CNTN5: variants seen among roughly 807,000 people sequenced by gnomAD.
CNTN5 encodes contactin-5.
A neutral mutation model predicts 129.1 loss-of-function variants in CNTN5; 77 were observed. The ratio of observed to expected loss-of-function variants is 0.60; its 90% CI spans 0.50 to 0.72. CNTN5 has a LOEUF of 0.72. CNTN5 is among the 30% of genes least tolerant of loss of function. The pLI is 0.00. For synonymous variants in CNTN5, 509 were observed against 465.6 expected, an observed-to-expected ratio of 1.09 and a Z score of -1.20; for missense variants, 1,478 against 1,328.8, an observed-to-expected ratio of 1.11 and a Z score of -1.75.
At chr11:99,171,922 A>G (rs956528369) in intron 1 of CNTN5, among the ~76,000 whole-genome samples, 5 of 152,272 alleles carry the variant, frequency 3.3e-5, no homozygotes, top group East Asian at 1.9e-4. Context: ...AGCAACGGAA[A>G]GTTACTTCCG....
intron 1 of CNTN5, among the ~76,000 whole-genome samples, chr11:99,260,040 A>T (rs1338072101): frequency 1.3e-5 from 2 of 151,684 alleles, no homozygotes; most frequent in Admixed American, 1.3e-4. Flanking sequence ...TGAAGCGAAA[A>T]TATTGTCCCT....
chr11:99,219,476 AG>A (rs1296192841), intron 1 of CNTN5, among the ~76,000 whole-genome samples: 1 of 151,858 alleles, frequency 6.6e-6, no homozygotes, highest in African/African-American at 2.4e-5. Flanking sequence ...GGCAGAGCTG[AG>A]AACCATACAG....
intron 7 of CNTN5, among the ~76,000 whole-genome samples, chr11:99,916,581 T>G (rs1036721888): frequency 6.6e-6 from 1 of 152,164 alleles, no homozygotes; most frequent in African/African-American, 2.4e-5. Flanking sequence ...GAATTAGAAC[T>G]TCTAAGAAAT....
chr11:99,494,976 A>G (rs1337913850), intron 2 of CNTN5, among the ~76,000 whole-genome samples: 2 of 152,212 alleles, frequency 1.3e-5, no homozygotes, highest in Non-Finnish European at 2.9e-5. Context: ...TCATTTTCCA[A>G]TATAAACTTT....
chr11:100,008,108 A>G (rs1362444223), intron 9 of CNTN5, among the ~76,000 whole-genome samples: 1 of 152,058 alleles, frequency 6.6e-6, no homozygotes, highest in Admixed American at 6.6e-5. Context: ...TAGTTCATGG[A>G]GCTTCAAAAC....
chr11:99,858,195 C>A (rs1013678185), intron 6 of CNTN5, among the ~76,000 whole-genome samples: 2 of 152,042 alleles, frequency 1.3e-5, no homozygotes, highest in Non-Finnish European at 2.9e-5. Flanking sequence ...AATTAAATAG[C>A]ATTTTCAAAG....
intron 2 of CNTN5, among the ~76,000 whole-genome samples, chr11:99,461,231 A>T (rs1352748010): frequency 2.0e-5 from 3 of 152,094 alleles, no homozygotes; most frequent in Non-Finnish European, 4.4e-5. Context: ...AGTAGGTAGA[A>T]ACAGAAGGGC....
At chr11:99,319,454 G>A (rs528650665) in intron 1 of CNTN5, among the ~76,000 whole-genome samples, 3 of 152,214 alleles carry the variant, frequency 2.0e-5, no homozygotes, top group Non-Finnish European at 2.9e-5. Context: ...TGATTCTATA[G>A]CACCCGAGCT....
At chr11:100,315,419 G>T (rs1319611784) in intron 21 of CNTN5, among the ~76,000 whole-genome samples, 1 of 152,114 alleles carries the variant, frequency 6.6e-6, no homozygotes, top group Non-Finnish European at 1.5e-5. Context: ...AATGGTCATG[G>T]CAATTAAGAT....
intron 1 of CNTN5, among the ~76,000 whole-genome samples, chr11:99,131,154 A>G (rs1858913242): frequency 7.4e-6 from 1 of 134,440 alleles, no homozygotes; most frequent in East Asian, 2.5e-4. Context: ...AGGCTGAGGC[A>G]GGAGAATGGT....
At chr11:99,062,200 A>G (rs1864911942) in intron 1 of CNTN5, among the ~76,000 whole-genome samples, 1 of 152,160 alleles carries the variant, frequency 6.6e-6, no homozygotes, top group South Asian at 2.1e-4. Context: ...TGATGGCTTC[A>G]GCAGACCTAA....
chr11:99,551,159 T>C (rs1181080296), intron 2 of CNTN5, among the ~76,000 whole-genome samples: 3 of 152,300 alleles, frequency 2.0e-5, no homozygotes, highest in East Asian at 1.9e-4. Flanking sequence ...TTTCCTGTGA[T>C]GCTGAGTTAA....
chr11:99,972,122 G>A (rs1375656474), intron 8 of CNTN5, among the ~76,000 whole-genome samples: 2 of 149,554 alleles, frequency 1.3e-5, no homozygotes, highest in South Asian at 2.1e-4. Context: ...TTAGCCGGGC[G>A]TGGTGGCGGG....
At chr11:99,030,424 A>C (rs1863313556) in intron 1 of CNTN5, among the ~76,000 whole-genome samples, 1 of 152,170 alleles carries the variant, frequency 6.6e-6, no homozygotes, top group Admixed American at 6.5e-5. Context: ...ATGTTTGCTG[A>C]TGGTGACATG....
chr11:99,245,619 C>A (rs1329927579), intron 1 of CNTN5, among the ~76,000 whole-genome samples: 1 of 152,186 alleles, frequency 6.6e-6, no homozygotes, highest in Non-Finnish European at 1.5e-5. Flanking sequence ...CAGTGCCTGG[C>A]TCATTGCATA....
intron 2 of CNTN5, among the ~76,000 whole-genome samples, chr11:99,397,236 T>G (rs1941572421): frequency 6.6e-6 from 1 of 151,806 alleles, no homozygotes; most frequent in African/African-American, 2.4e-5. Context: ...TACAGATTTT[T>G]GGGAGGAAGA....
At chr11:99,528,584 T>C (rs12787763) in intron 2 of CNTN5, among the ~76,000 whole-genome samples, 1 of 152,232 alleles carries the variant, frequency 6.6e-6, no homozygotes, top group Non-Finnish European at 1.5e-5. Context: ...CTTTCACAAA[T>C]GCACACGTAC....
chr11:99,817,596 G>GTTTTTTTTTTTTTTT (rs372057505), intron 3 of CNTN5, among the ~76,000 whole-genome samples: 1 of 99,640 alleles, frequency 1.0e-5, no homozygotes, highest in Admixed American at 1.2e-4. Flanking sequence ...GTCTGGGATA[G>GTTTTTTTTTTTTTTT]TTTTTTTTTT....
chr11:99,064,149 A>C (rs1386054504), intron 1 of CNTN5, among the ~76,000 whole-genome samples: 2 of 152,116 alleles, frequency 1.3e-5, no homozygotes, highest in South Asian at 4.1e-4. Flanking sequence ...CCATTTGTTT[A>C]GTTGGTTAGT....
Sources: gnomAD v4.1 joint callset for allele counts (sites outside exome capture counted in the v4.1 genomes callset) on GRCh38, gnomAD v4.1.1 for gene constraint, MANE v1.5 for transcripts, NCBI Gene and HGNC (gene_info 2026-07-23, HGNC 2026-07-21) for gene names.